The following MROH1 variants were observed in gnomAD, a reference collection of about 807,000 sequenced individuals.
MROH1 encodes the protein maestro heat-like repeat-containing protein family member 1.
A neutral mutation model predicts 116.5 loss-of-function variants in MROH1; 117 were observed. That is an observed-to-expected ratio of 1.00 (90% CI 0.86 to 1.17). The LOEUF is 1.17. Among genes scored for constraint, MROH1 ranks in the 50% most tolerant of loss-of-function variants. MROH1 has a pLI of 0.00. For synonymous variants in MROH1, 921 were observed against 583.9 expected (o/e 1.58, Z -8.32); for missense variants, 1,873 against 1,338.5 (o/e 1.40, Z -6.23).
chr8:144,171,488 T>G (rs6995612), intron 4 of MROH1, among the ~76,000 whole-genome samples: 150,519 of 152,236 alleles, frequency 0.99, 74,429 homozygotes, highest in East Asian at 1. Context: ...TCAGTTGCGC[T>G]CATGCTCACT....
In MROH1 at chr8:144,243,924, T is replaced by A; in HGVS notation, c.2537T>A (p.Leu846His). The A allele has an allele frequency of 3.8e-6, 3 of 780,452 alleles. No homozygotes were observed. The South Asian group carries it at 4.0e-5, about 10-fold the overall frequency. The allele number at this position is 780,452 out of a possible 1,614,324, so 48.3% of individuals were successfully genotyped here. The change falls in exon 26 of 44, where the codon CTC (leucine) becomes CAC (histidine). Residue 846 changes from leucine (L) to histidine (H), a missense_variant. Leu to His is a moderately conservative substitution (Grantham distance 99). Transcript: ENST00000326134. Reference protein sequence around the residue: ...LRTPIRKKAMLTCTYLVSVEP... With the variant: ...LRTPIRKKAMHTCTYLVSVEP... ...ACACCTATTCGGAAGAAAGCCATGC[T>A]CACCTGCACTTACTTGGTGTATCCT...
intron 11 of MROH1, among the ~76,000 whole-genome samples, chr8:144,199,764 C>T (rs1287300284): frequency 6.6e-6 from 1 of 152,164 alleles, no homozygotes. Flanking sequence ...CTCCCTGGAG[C>T]TGGTCAGGCA....
intron 1 of MROH1, among the ~76,000 whole-genome samples, chr8:144,156,160 C>T (rs1022757601): frequency 1.7e-4 from 25 of 150,792 alleles, no homozygotes; most frequent in Admixed American, 1.5e-3. Flanking sequence ...TCACTTGAAC[C>T]CGGGAGGTGG....
In MROH1 at chr8:144,180,659, G is replaced by A. The variant is rs553006263; in HGVS notation, c.562+136G>A. 431 of 779,014 alleles carry A rather than the reference G, an allele frequency of 5.5e-4. 4 individuals are homozygous for A. In the East Asian group the frequency reaches 0.011, roughly 21 times the overall value. The allele number at this position is 779,014 out of a possible 1,614,324, so 48.3% of individuals were successfully genotyped here. On this transcript the variant is annotated intron_variant, in intron 7 of 43. Transcript: ENST00000326134. This position sits in a 1 kb window ranked among gnomAD's most constrained non-coding sequence, Gnocchi z 7.4. Reference sequence around the variant, plus strand: ...GGGCTGTTGGAGGGAGGGGCCCCCTGGCTGAGGCTGCTGGCTGGTTGGGGG... The same window carrying A: ...GGGCTGTTGGAGGGAGGGGCCCCCTAGCTGAGGCTGCTGGCTGGTTGGGGG...
At chr8:144,254,709 C>A in intron 33 of MROH1, 104 bp from the exon 34 acceptor site, 1 of 639,444 alleles carries the variant, frequency 1.6e-6, no homozygotes, top group Non-Finnish European at 2.8e-6. Flanking sequence ...AGCCTGGTGG[C>A]TGTGTCTGAG....
intron 14 of MROH1, among the ~76,000 whole-genome samples, chr8:144,237,776 C>T (rs946057999): frequency 5.3e-5 from 8 of 152,270 alleles, no homozygotes; most frequent in Middle Eastern, 6.8e-3. Flanking sequence ...CTCATTTCCC[C>T]GTTGTGGTTC....
At chr8:144,189,357 T>C (rs1827986894) in intron 7 of MROH1, among the ~76,000 whole-genome samples, 1 of 152,234 alleles carries the variant, frequency 6.6e-6, no homozygotes, top group Admixed American at 6.5e-5. Flanking sequence ...TCAGCAGGGC[T>C]GTGTGAAAGG....
At chr8:144,236,247 T>C (rs1272861904) in intron 14 of MROH1, among the ~76,000 whole-genome samples, 1 of 152,178 alleles carries the variant, frequency 6.6e-6, no homozygotes, top group African/African-American at 2.4e-5. Flanking sequence ...AGGAATCTCA[T>C]GGAATCGTGC....
In MROH1 at chr8:144,200,290, C is replaced by T. The variant is rs770052744; in HGVS notation, c.1028-138C>T. On this transcript the variant is annotated intron_variant, in intron 11 of 43. Coordinates refer to ENST00000326134, the MANE Select transcript of MROH1 (RefSeq NM_032450.3). ...ACAGGGGCATCGGAGCCAGGCCCAG[C>T]GATTAGGTGACCCCAGCTTCTCACC... 5 of 662,758 alleles carry T rather than the reference C, an allele frequency of 7.5e-6. 1 individual carries two copies. Among genetic ancestry groups the T allele is most frequent in the Non-Finnish European group, 1.2e-5 (5 of 401,200 alleles). The allele number at this position is 662,758 out of a possible 1,614,324, so 41.1% of individuals were successfully genotyped here.
At position 144,241,595 on chromosome 8, in the gene MROH1, G is replaced by A; in HGVS notation, c.2178+78G>A. On this transcript the variant is annotated intron_variant, in intron 22 of 43. Coordinates refer to ENST00000326134, the MANE Select transcript of MROH1 (RefSeq NM_032450.3). ...AGGCTCAGGGGGTGCCCTGCGGGCT[G>A]GAGTGGGGCAGGAAGCTGGTTGCGT... 5 of 772,200 alleles carry A rather than the reference G, an allele frequency of 6.5e-6. No homozygotes were observed. The South Asian group carries it at 6.8e-5, about 10-fold the overall frequency. 47.8% of individuals were successfully genotyped at this position (772,200 alleles called of 1,614,324 possible).
rs1281098548 is a variant in MROH1 at position 144,261,742 on chromosome 8, G to T, written c.*2G>T. The T allele has an allele frequency of 9.9e-6, 7 of 709,854 alleles. No individual in the cohort carries two copies. In the South Asian group the frequency reaches 1.0e-4, roughly 10 times the overall value. 44.0% of individuals were successfully genotyped at this position (709,854 alleles called of 1,614,324 possible). ...GGCCGCCTGGTGAAGCTCGCCTAAG[G>T]CTCCGGCCAGCACCCCCAGCGAGGA... On this transcript the variant is annotated 3_prime_UTR_variant, in exon 44 of 44. Coordinates refer to ENST00000326134, the MANE Select transcript of MROH1 (RefSeq NM_032450.3).
chr8:144,158,687 T>C (rs1818759453), intron 1 of MROH1, among the ~76,000 whole-genome samples: 1 of 152,194 alleles, frequency 6.6e-6, no homozygotes, highest in African/African-American at 2.4e-5. Flanking sequence ...TATTGATATA[T>C]TTAATTCCAC....
Position 144,163,795 on chromosome 8 carries a change from C to G in MROH1, c.-32C>G. On this transcript the variant is annotated 5_prime_UTR_variant, in exon 3 of 44. Coordinates refer to ENST00000326134, the MANE Select transcript of MROH1 (RefSeq NM_032450.3). The surrounding 1 kb of genome is among the most constrained non-coding windows in gnomAD (Gnocchi z 4.4). ...GATGGGAGAAGAAGTTGTCCATGTTCACACTGGGTGAAGGAAGCTGAAACC... is the reference window on the plus strand; with the variant it reads ...GATGGGAGAAGAAGTTGTCCATGTTGACACTGGGTGAAGGAAGCTGAAACC... The G allele has an allele frequency of 6.2e-7, 1 of 1,612,576 alleles. No individual in the cohort carries two copies. The highest frequency in any genetic ancestry group is 8.5e-7 in the Non-Finnish European group (1 of 1,179,006).
At chr8:144,175,779 G>A (rs548727381) in intron 4 of MROH1, among the ~76,000 whole-genome samples, 3 of 152,212 alleles carry the variant, frequency 2.0e-5, no homozygotes, top group South Asian at 2.1e-4. Flanking sequence ...TGCCGGGCTC[G>A]GTGGCTCACG....
intron 12 of MROH1, among the ~76,000 whole-genome samples, chr8:144,202,681 C>A (rs1369901228): frequency 9.1e-6 from 1 of 110,270 alleles, no homozygotes; most frequent in Non-Finnish European, 1.8e-5. Flanking sequence ...CACCCGCTCT[C>A]TGTGGAGGGG....
At chr8:144,210,385 C>A (rs1168687532) in intron 12 of MROH1, among the ~76,000 whole-genome samples, 1 of 150,676 alleles carries the variant, frequency 6.6e-6, no homozygotes, top group Non-Finnish European at 1.5e-5. Flanking sequence ...TTGCAGTGAG[C>A]CGAGATTACG....
rs1033150193 is a variant in MROH1 at position 144,247,302 on chromosome 8, C to T, written c.2873C>T (p.Ala958Val). 3.4e-5 allele frequency: 26 copies of T among 770,546 alleles called. No homozygotes were observed. Among genetic ancestry groups the T allele is most frequent in the Non-Finnish European group, 3.6e-5 (15 of 416,750 alleles). The allele number at this position is 770,546 out of a possible 1,614,324, so 47.7% of individuals were successfully genotyped here. The change falls in exon 30 of 44, where the codon GCC becomes GTC. Residue 958 changes from alanine to valine, a missense_variant and splice_region_variant. Physicochemically the swap from Ala to Val is moderately conservative, Grantham distance 64. Transcript: ENST00000326134. ...TAGCCCAGGCATCTCCTCCTCCAGG[C>T]CCTGGTGCCCTTCCACAACCTGGGC... ...RYFLEHLRVSALVPFHNLGLL... is the reference protein window; with the variant it reads ...RYFLEHLRVSVLVPFHNLGLL...
chr8:144,158,452 T>C (rs1210024368), intron 1 of MROH1, among the ~76,000 whole-genome samples: 1 of 152,176 alleles, frequency 6.6e-6, no homozygotes, highest in Non-Finnish European at 1.5e-5. Flanking sequence ...GAAGTTGAAC[T>C]CATTATTTTT....
At chr8:144,221,683 C>T (rs1187479167) in intron 13 of MROH1, among the ~76,000 whole-genome samples, 1 of 152,062 alleles carries the variant, frequency 6.6e-6, no homozygotes, top group African/African-American at 2.4e-5. Flanking sequence ...CCCACCGTAC[C>T]CCTGACAGGG....
Sources: gnomAD v4.1 joint callset for allele counts (sites outside exome capture counted in the v4.1 genomes callset) on GRCh38, gnomAD v4.1.1 for gene constraint, Gnocchi (gnomAD v3.1) non-coding constraint, MANE v1.5 for transcripts, NCBI Gene and HGNC (gene_info 2026-07-23, HGNC 2026-07-21) for gene names.